Variants in OR52N1 observed in about 807,000 individuals in gnomAD.
OR52N1 encodes olfactory receptor family 52 subfamily N member 1, also known as olfactory receptor 52N1.
In OR52N1, 11 loss-of-function variants were observed where a neutral mutation model predicts 13.9. That is an observed-to-expected ratio of 0.79 (90% CI 0.50 to 1.31). OR52N1 has a LOEUF of 1.31. Among genes scored for constraint, OR52N1 ranks in the 40% most tolerant of loss-of-function variants. The probability of loss-of-function intolerance (pLI) is 0.00; values close to 1 mark genes in which losing one functional copy is unlikely to be tolerated. For missense variants in OR52N1, 414 were observed against 397.7 expected, an observed-to-expected ratio of 1.04 and a Z score of -0.35; for synonymous variants, 142 against 143.7, an observed-to-expected ratio of 0.99 and a Z score of 0.08.
intron 1 of OR52N1, among the ~76,000 whole-genome samples, chr11:5,790,722 T>C (rs1405716744): frequency 1.3e-5 from 2 of 152,102 alleles, no homozygotes; most frequent in Non-Finnish European, 2.9e-5. Context: ...TCTCATATGA[T>C]TGTTGGCCAC....
rs377540682 is a variant in OR52N1, at chr11:5,787,890, G to T, written c.927C>A (p.Phe309Leu). ...GAGAATTGTCCTTTCCCTTAAGAAAGAACCTAATGACACTTTCTCGTACCT... is the reference window on the plus strand; with the variant it reads ...GAGAATTGTCCTTTCCCTTAAGAAATAACCTAATGACACTTTCTCGTACCT... ...TRQVRESVIRFFLKGKDNSHN... is the reference protein window; with the variant it reads ...TRQVRESVIRLFLKGKDNSHN... Residue 309 changes from phenylalanine (F) to leucine (L), a missense_variant, in exon 2 of 2, where the codon TTC (phenylalanine) becomes TTA (leucine). By Grantham distance (22) the Phe-to-Leu change is conservative. Transcript: ENST00000641645. 1 of 1,505,854 alleles carries T rather than the reference G, an allele frequency of 6.6e-7. No individual in the cohort carries two copies. Among genetic ancestry groups the T allele is most frequent in the African/African-American group, 1.4e-5 (1 of 69,712 alleles). 93.3% of individuals were successfully genotyped at this position (1,505,854 alleles called of 1,614,324 possible).
chr11:5,788,520 G>T lies in OR52N1; in HGVS notation c.297C>A (p.Cys99Ter). The change falls in exon 2 of 2, where the codon TGC becomes TGA. Residue 99 changes from cysteine (C) to a stop codon, truncating the protein, a stop_gained. Transcript: ENST00000641645. LOFTEE classifies it high-confidence loss of function. ...TGTGCACAAAGAACATCTGGGCGAG[G>T]CAGGCTTTAAAATCAATCTCCTTGA... ...FNLKEIDFKA[C>*]LAQMFFVHTF... The T allele has an allele frequency of 6.2e-7, 1 of 1,613,976 alleles. No individual in the cohort carries two copies. Among genetic ancestry groups the T allele is most frequent in the South Asian group, 1.1e-5 (1 of 91,074 alleles).
Position 5,787,681 on chromosome 11 carries a change from A to G in OR52N1, c.*173T>C, listed in dbSNP as rs565033211. 8.0e-5 allele frequency: 48 copies of G among 600,380 alleles called. 7 individuals carry two copies. The South Asian group carries it at 1.0e-3, about 13-fold the overall frequency. 37.2% of individuals were successfully genotyped at this position (600,380 alleles called of 1,614,324 possible). Reference sequence around the variant, plus strand: ...AAGGCTTTAAAGAACATGGAATAACATAAGAGAGGGTATTTACCTATTTGA... The same window carrying G: ...AAGGCTTTAAAGAACATGGAATAACGTAAGAGAGGGTATTTACCTATTTGA... On this transcript the variant is annotated 3_prime_UTR_variant, in exon 2 of 2. Coordinates refer to ENST00000641645, the MANE Select transcript of OR52N1 (RefSeq NM_001001913.2).
At chr11:5,790,023 G>A (rs1388815639) in intron 1 of OR52N1, among the ~76,000 whole-genome samples, 2 of 152,082 alleles carry the variant, frequency 1.3e-5, no homozygotes, top group African/African-American at 2.4e-5. Context: ...AGCAAGTTGT[G>A]TGATGGGGGC....
At position 5,787,706 on chromosome 11, in the gene OR52N1, A is replaced by T; in HGVS notation, c.*148T>A. 1 of 723,924 alleles carries T rather than the reference A, an allele frequency of 1.4e-6. No homozygotes were observed. Among genetic ancestry groups the T allele is most frequent in the Non-Finnish European group, 2.2e-6 (1 of 456,732 alleles). The allele number at this position is 723,924 out of a possible 1,614,324, so 44.8% of individuals were successfully genotyped here. A position where few individuals can be genotyped will look rare whatever the true frequency, so the allele number is the denominator to read the frequency against. ...ATAAGAGAGGGTATTTACCTATTTGAACATGATGGTACCCTTTCCAAAGAT... is the reference window on the plus strand; with the variant it reads ...ATAAGAGAGGGTATTTACCTATTTGTACATGATGGTACCCTTTCCAAAGAT... On this transcript the variant is annotated 3_prime_UTR_variant, in exon 2 of 2. Coordinates refer to ENST00000641645, the MANE Select transcript of OR52N1 (RefSeq NM_001001913.2).
Position 5,788,027 on chromosome 11 carries a change from G to A in OR52N1, c.790C>T (p.His264Tyr). The change falls in exon 2 of 2, where the codon CAC becomes TAC. Residue 264 changes from histidine to tyrosine, a missense_variant. By Grantham distance (83) the His-to-Tyr change is moderately conservative. Transcript: ENST00000641645. ...YVPAFFTFFT[H>Y]HFGGHTIPLH... ...GGAATGGTGTGTCCCCCAAAATGGT[G>A]TGTAAAGAAGGTAAAGAAGGCTGGA... The A allele has an allele frequency of 8.0e-7, 1 of 1,247,988 alleles. No individual in the cohort carries two copies. The allele number at this position is 1,247,988 out of a possible 1,614,324, so 77.3% of individuals were successfully genotyped here. A position where few individuals can be genotyped will look rare whatever the true frequency, so the allele number is the denominator to read the frequency against.
rs760513598 is a variant in OR52N1 at position 5,788,552 on chromosome 11, A to G, written c.265T>C (p.Phe89Leu). The change falls in exon 2 of 2, where the codon TTT becomes CTT. Residue 89 changes from phenylalanine to leucine, a missense_variant. Physicochemically the swap from Phe to Leu is conservative, Grantham distance 22. Coordinates refer to ENST00000641645, the MANE Select transcript of OR52N1 (RefSeq NM_001001913.2). Reference sequence around the variant, plus strand: ...TTAAAATCAATCTCCTTGAGATTAAACCACAATATGAAGAGAGTGTTGGGA... The same window carrying G: ...TTAAAATCAATCTCCTTGAGATTAAGCCACAATATGAAGAGAGTGTTGGGA... Reference protein sequence around the residue: ...TLPNTLFILWFNLKEIDFKAC... With the variant: ...TLPNTLFILWLNLKEIDFKAC... The G allele has an allele frequency of 1.2e-6, 2 of 1,613,918 alleles. No homozygotes were observed. The highest frequency in any genetic ancestry group is 1.7e-6 in the Non-Finnish European group (2 of 1,179,874).
chr11:5,788,078 A>T lies in OR52N1; in HGVS notation c.739T>A (p.Phe247Ile), dbSNP rs7934670. The stretch of plus-strand genomic sequence containing the variant: ...ACATAGGTGAGGACTATGGCACAGA[A>T]GTGGGCAGTGCAGGTGCTGAAGGCC... ...QKAFSTCTAH[F>I]CAIVLTYVPA... The change falls in exon 2 of 2, where the codon TTC (phenylalanine) becomes ATC (isoleucine). Residue 247 changes from phenylalanine (F) to isoleucine (I), a missense_variant. Physicochemically the swap from Phe to Ile is conservative, Grantham distance 21. Coordinates refer to ENST00000641645, the MANE Select transcript of OR52N1 (RefSeq NM_001001913.2). The T allele has an allele frequency of 0.96, 1,544,921 of 1,610,506 alleles. 741,721 individuals are homozygous for T. The highest frequency in any genetic ancestry group is 0.99 in the Middle Eastern group (5,977 of 6,056).
At chr11:5,790,085 A>G (rs561386217) in intron 1 of OR52N1, among the ~76,000 whole-genome samples, 89 of 152,258 alleles carry the variant, frequency 5.8e-4, no homozygotes, top group Non-Finnish European at 6.6e-4. Flanking sequence ...TTTCTAATTT[A>G]AAAATATCAA....
rs746522145 is a variant in OR52N1 at position 5,788,756 on chromosome 11, C to G, written c.61G>C (p.Gly21Arg). The G allele has an allele frequency of 4.3e-6, 7 of 1,611,368 alleles. No individual in the cohort carries two copies. The African/African-American group carries it at 9.4e-5, about 22-fold the overall frequency. The change falls in exon 2 of 2, where the codon GGT becomes CGT. Residue 21 changes from glycine to arginine, a missense_variant. By Grantham distance (125) the Gly-to-Arg change is moderately radical. Transcript: ENST00000641645. ...PASFILNGIP[G>R]LEDVHLWISF... ...ATCCACAAATGCACATCTTCCAAAC[C>G]AGGGATGCCATTTAGGATGAATGAA...
Position 5,788,070 on chromosome 11 carries a change from G to C in OR52N1, c.747C>G (p.Ala249=), listed in dbSNP as rs771939524. The change falls in exon 2 of 2, where the codon GCC becomes GCG. Residue 249 remains alanine (A), a synonymous_variant. Coordinates refer to ENST00000641645, the MANE Select transcript of OR52N1 (RefSeq NM_001001913.2). ...AFSTCTAHFC[A]IVLTYVPAFF... is the part of the protein sequence containing the mutation. ...AGGCTGGAACATAGGTGAGGACTATGGCACAGAAGTGGGCAGTGCAGGTGC... is the reference window on the plus strand; with the variant it reads ...AGGCTGGAACATAGGTGAGGACTATCGCACAGAAGTGGGCAGTGCAGGTGC... 1 of 1,612,894 alleles carries C rather than the reference G, an allele frequency of 6.2e-7. No homozygotes were observed. The highest frequency in any genetic ancestry group is 2.2e-5 in the East Asian group (1 of 44,844).
rs73390380 is a variant in OR52N1, at chr11:5,787,213, A to G, written c.*641T>C. 0.13 allele frequency: 17,954 copies of G among 139,800 alleles called. 4,208 individuals are homozygous for G. Among genetic ancestry groups the G allele is most frequent in the African/African-American group, 0.28 (10,811 of 37,944 alleles). The allele number at this position is 139,800 out of a possible 1,614,324, so 8.7% of individuals were successfully genotyped here. A position where few individuals can be genotyped will look rare whatever the true frequency, so the allele number is the denominator to read the frequency against. ...CTGAACTGTACATCAATGACAATAT[A>G]TAATATGTGTTTTTATCTCTTTCAC... On this transcript the variant is annotated 3_prime_UTR_variant, in exon 2 of 2. Coordinates refer to ENST00000641645, the MANE Select transcript of OR52N1 (RefSeq NM_001001913.2).
In OR52N1 at chr11:5,787,884, A is replaced by T. The variant is rs1171319253; in HGVS notation, c.933T>A (p.Leu311=). ...AGTTATGAGAATTGTCCTTTCCCTT[A>T]AGAAAGAACCTAATGACACTTTCTC... ...QVRESVIRFF[L]KGKDNSHNF is the part of the protein sequence containing the mutation. The change falls in exon 2 of 2, where the codon CTT becomes CTA. Residue 311 remains leucine, a synonymous_variant. Coordinates refer to ENST00000641645, the MANE Select transcript of OR52N1 (RefSeq NM_001001913.2). 2 of 1,502,382 alleles carry T rather than the reference A, an allele frequency of 1.3e-6. No individual in the cohort carries two copies. The highest frequency in any genetic ancestry group is 1.8e-6 in the Non-Finnish European group (2 of 1,106,658). 93.1% of individuals were successfully genotyped at this position (1,502,382 alleles called of 1,614,324 possible). A position where few individuals can be genotyped will look rare whatever the true frequency, so the allele number is the denominator to read the frequency against.
At chr11:5,789,702 G>A (rs554113318) in intron 1 of OR52N1, among the ~76,000 whole-genome samples, 240 of 152,114 alleles carry the variant, frequency 1.6e-3, no homozygotes, top group African/African-American at 5.4e-3. Flanking sequence ...AAATATTTTT[G>A]AGGCTTAAAA....
At position 5,788,539 on chromosome 11, in the gene OR52N1, T is replaced by G; in HGVS notation, c.278A>C (p.Glu93Ala). 1 of 1,613,880 alleles carries G rather than the reference T, an allele frequency of 6.2e-7. No homozygotes were observed. Among genetic ancestry groups the G allele is most frequent in the Non-Finnish European group, 8.5e-7 (1 of 1,179,918 alleles). The change falls in exon 2 of 2, where the codon GAG becomes GCG. Residue 93 changes from glutamate to alanine, a missense_variant. Glu to Ala is a moderately radical substitution (Grantham distance 107). Transcript: ENST00000641645. ...GGCGAGGCAGGCTTTAAAATCAATCTCCTTGAGATTAAACCACAATATGAA... is the reference window on the plus strand; with the variant it reads ...GGCGAGGCAGGCTTTAAAATCAATCGCCTTGAGATTAAACCACAATATGAA... ...TLFILWFNLK[E>A]IDFKACLAQM...
chr11:5,788,907 C>G, intron 1 of OR52N1, 47 bp from the exon 2 acceptor site: 1 of 1,357,084 alleles, frequency 7.4e-7, no homozygotes. Context: ...GAGTGACTGA[C>G]CATCAGTCTT....
chr11:5,789,021 C>T (rs1343419034), intron 1 of OR52N1, among the ~76,000 whole-genome samples, 161 bp from the exon 2 acceptor site: 1 of 152,114 alleles, frequency 6.6e-6, no homozygotes, highest in African/African-American at 2.4e-5. Flanking sequence ...GTGCCTTAAG[C>T]ATTAGGTGTT....
chr11:5,788,914 T>C, intron 1 of OR52N1, 54 bp from the exon 2 acceptor site: 1 of 1,319,856 alleles, frequency 7.6e-7, no homozygotes, highest in Non-Finnish European at 1.0e-6. Flanking sequence ...TGACCATCAG[T>C]CTTCTTTCCC....
rs758168503 is a variant in OR52N1, at chr11:5,788,231, C to A, written c.586G>T (p.Val196Phe). The change falls in exon 2 of 2, where the codon GTT becomes TTT. Residue 196 changes from valine to phenylalanine, a missense_variant. Physicochemically the swap from Val to Phe is conservative, Grantham distance 50. Coordinates refer to ENST00000641645, the MANE Select transcript of OR52N1 (RefSeq NM_001001913.2). The part of the protein sequence containing the change: ...VAKISCGNVR[V>F]NAIYGLIVAL... Reference sequence around the variant, plus strand: ...ACTATCAAACCATAGATGGCGTTAACCCTGACATTACCACAAGATATCTTG... The same window carrying A: ...ACTATCAAACCATAGATGGCGTTAAACCTGACATTACCACAAGATATCTTG... 5.6e-6 allele frequency: 9 copies of A among 1,613,888 alleles called. No individual in the cohort carries two copies. Among genetic ancestry groups the A allele is most frequent in the Non-Finnish European group, 5.9e-6 (7 of 1,179,980 alleles).
Sources: gnomAD v4.1 joint callset for allele counts (sites outside exome capture counted in the v4.1 genomes callset) on GRCh38, gnomAD v4.1.1 for gene constraint, MANE v1.5 for transcripts, NCBI Gene and HGNC (gene_info 2026-07-23, HGNC 2026-07-21) for gene names.